CNTN3: variants seen among roughly 807,000 people sequenced by gnomAD.
CNTN3 encodes the protein contactin-3.
CNTN3 carries 60 observed loss-of-function variants against 119.1 expected under a neutral mutation model. The ratio of observed to expected loss-of-function variants is 0.50; its 90% CI spans 0.41 to 0.62. The LOEUF is 0.62. CNTN3 is among the 20% of genes least tolerant of loss of function. The probability of loss-of-function intolerance (pLI) is 0.00; values close to 1 mark genes in which losing one functional copy is unlikely to be tolerated. For missense variants in CNTN3, 1,101 were observed against 1,242.4 expected, an observed-to-expected ratio of 0.89 and a Z score of 1.71; for synonymous variants, 450 against 438.7, an observed-to-expected ratio of 1.03 and a Z score of -0.32.
intron 4 of CNTN3, among the ~76,000 whole-genome samples, chr3:74,480,802 TA>T (rs935725592): frequency 6.6e-6 from 1 of 151,930 alleles, no homozygotes; most frequent in Non-Finnish European, 1.5e-5. Flanking sequence ...CTATACTATT[TA>T]AAACATTATA....
At chr3:74,456,086 T>C (rs1237227845) in intron 4 of CNTN3, among the ~76,000 whole-genome samples, 2 of 152,102 alleles carry the variant, frequency 1.3e-5, no homozygotes, top group African/African-American at 2.4e-5. Context: ...TTTGTATTAC[T>C]ACTGTAAAAT....
intron 4 of CNTN3, among the ~76,000 whole-genome samples, chr3:74,449,298 A>G (rs549055612): frequency 6.6e-6 from 1 of 152,172 alleles, no homozygotes; most frequent in East Asian, 1.9e-4. Context: ...TTTTTAGAGG[A>G]GGTTCTGAGT....
chr3:74,518,201 C>A (rs747596163), intron 2 of CNTN3, among the ~76,000 whole-genome samples: 1 of 151,848 alleles, frequency 6.6e-6, no homozygotes, highest in African/African-American at 2.4e-5. Context: ...ATCCAATATG[C>A]GGAGTAATCA....
intron 2 of CNTN3, among the ~76,000 whole-genome samples, chr3:74,503,281 T>G (rs1358490392): frequency 6.6e-6 from 1 of 152,156 alleles, no homozygotes; most frequent in Non-Finnish European, 1.5e-5. Flanking sequence ...AACTTCAGTA[T>G]TTCCTGATGG....
chr3:74,532,371 C>T (rs1703705450), intron 1 of CNTN3, among the ~76,000 whole-genome samples: 1 of 151,984 alleles, frequency 6.6e-6, no homozygotes, highest in African/African-American at 2.4e-5. Context: ...CTGGTGGATG[C>T]TTGAAACTGC....
intron 9 of CNTN3, among the ~76,000 whole-genome samples, chr3:74,365,221 C>T (rs186263553): frequency 2.1e-3 from 313 of 152,196 alleles, no homozygotes; most frequent in Non-Finnish European, 2.7e-3. Context: ...CCAGAGGCCA[C>T]ACCAAGTTGT....
chr3:74,435,163 A>G (rs1175534833), intron 4 of CNTN3, among the ~76,000 whole-genome samples: 2 of 152,104 alleles, frequency 1.3e-5, no homozygotes, highest in Non-Finnish European at 2.9e-5. Context: ...TATTAATTTT[A>G]CTGGAACGAT....
intron 3 of CNTN3, 26 bp downstream of exon 3, chr3:74,499,633 T>C (rs759918598): frequency 6.3e-7 from 1 of 1,580,570 alleles, no homozygotes; most frequent in Admixed American, 1.9e-5. Flanking sequence ...TTTTTTTTAT[T>C]TGAATTTTCA....
intron 4 of CNTN3, among the ~76,000 whole-genome samples, chr3:74,427,845 T>C (rs1206797413): frequency 6.6e-6 from 1 of 152,076 alleles, no homozygotes; most frequent in Non-Finnish European, 1.5e-5. Flanking sequence ...GCAGAAGATC[T>C]GTATAATGAA....
rs116264981 is a variant in CNTN3, at chr3:74,471,201, G to A, written c.358+15255C>T. 8.6e-3 allele frequency among the ~76,000 whole-genome samples: 1,306 copies of A among 152,118 alleles called. 14 individuals carry two copies. The highest frequency in any genetic ancestry group is 0.03 in the African/African-American group (1,241 of 41,492). On this transcript the variant is annotated intron_variant, in intron 4 of 22. Coordinates refer to ENST00000263665, the MANE Select transcript of CNTN3 (RefSeq NM_020872.3). ...CACACACCAGGGCCTGTGCAGGGTG[G>A]GAGGCTGGGGGAGAGATAACATTAG...
intron 2 of CNTN3, among the ~76,000 whole-genome samples, chr3:74,509,440 G>A (rs1261427350): frequency 6.6e-6 from 1 of 151,988 alleles, no homozygotes; most frequent in Non-Finnish European, 1.5e-5. Flanking sequence ...TGGGATTACG[G>A]GCACACGCCA....
intron 1 of CNTN3, among the ~76,000 whole-genome samples, chr3:74,558,060 C>T (rs1045293461): frequency 1.1e-4 from 17 of 152,192 alleles, no homozygotes; most frequent in Non-Finnish European, 5.9e-5. Context: ...CCAGGAACTG[C>T]CCTCGGCCAG....
intron 6 of CNTN3, among the ~76,000 whole-genome samples, chr3:74,370,361 T>G (rs1409859046): frequency 6.6e-6 from 1 of 152,078 alleles, no homozygotes; most frequent in Middle Eastern, 3.2e-3. Context: ...AGCCTTTACA[T>G]TACACAAAAT....
chr3:74,425,610 C>A (rs993728499), intron 4 of CNTN3, among the ~76,000 whole-genome samples: 1 of 152,080 alleles, frequency 6.6e-6, no homozygotes, highest in African/African-American at 2.4e-5. Flanking sequence ...TATCCTAAAT[C>A]AAAAATAAAC....
Position 74,567,314 on chromosome 3 carries a change from ATTTTTTTTT to A in CNTN3, c.-80-46131_-80-46123del, listed in dbSNP as rs67671839. Among the ~76,000 whole-genome samples, 56 of 82,726 alleles carry A rather than the reference ATTTTTTTTT, an allele frequency of 6.8e-4. 2 individuals carry two copies. Among genetic ancestry groups the A allele is most frequent in the African/African-American group, 2.3e-3 (50 of 21,280 alleles). The allele number at this position is 82,726 out of a possible 152,430, so 54.3% of individuals were successfully genotyped here. A position where few individuals can be genotyped will look rare whatever the true frequency, so the allele number is the denominator to read the frequency against. On this transcript the variant is annotated intron_variant, in intron 1 of 22. Transcript: ENST00000263665. ...TGCCGCTATACTCAACAAATTTTTA[ATTTTTTTTT>A]TTTTTTTTTTTTTTTTTGTAGAGAG...
chr3:74,570,555 AAAATGATCCTACCTGGGATG>A (rs1296499794), intron 1 of CNTN3, among the ~76,000 whole-genome samples: 1 of 152,160 alleles, frequency 6.6e-6, no homozygotes, highest in East Asian at 1.9e-4. Flanking sequence ...AAAAAAAAAA[AAAATGATCCTACCTGGGATG>A]ACTGGCAGTG....
At chr3:74,509,149 T>C (rs1703318122) in intron 2 of CNTN3, among the ~76,000 whole-genome samples, 1 of 152,156 alleles carries the variant, frequency 6.6e-6, no homozygotes, top group Admixed American at 6.6e-5. Flanking sequence ...CTTCATTATA[T>C]ATTCTTAGTT....
chr3:74,567,443 A>G (rs1245413703), intron 1 of CNTN3, among the ~76,000 whole-genome samples: 1 of 147,884 alleles, frequency 6.8e-6, no homozygotes, highest in Non-Finnish European at 1.5e-5. Context: ...TATTAACATG[A>G]GCTATCATGC....
rs1472030664 is a variant in CNTN3, at chr3:74,553,805, T to C, written c.-80-32613A>G. On this transcript the variant is annotated intron_variant, in intron 1 of 22. Coordinates refer to ENST00000263665, the MANE Select transcript of CNTN3 (RefSeq NM_020872.3). ...TAAATTTTTTTAAGTTCTTCGTAGATTACGGATATTAGCCCTCCGTCAGAT... is the reference window on the plus strand; with the variant it reads ...TAAATTTTTTTAAGTTCTTCGTAGACTACGGATATTAGCCCTCCGTCAGAT... Among the ~76,000 whole-genome samples the C allele has an allele frequency of 2.0e-5, 3 of 152,190 alleles. 1 individual carries two copies. Among genetic ancestry groups the C allele is most frequent in the East Asian group, 3.9e-4 (2 of 5,194 alleles).
Sources: allele counts gnomAD v4.1 joint callset (sites outside exome capture counted in the v4.1 genomes callset), GRCh38; gene constraint gnomAD v4.1.1; transcripts MANE v1.5; gene names NCBI Gene and HGNC (gene_info 2026-07-23, HGNC 2026-07-21).